ASB3: variants seen among roughly 807,000 people sequenced by gnomAD.
ASB3 encodes the protein ankyrin repeat and SOCS box protein 3.
Under a neutral mutation model 54.5 loss-of-function variants are expected in ASB3, and 41 were observed. That is an observed-to-expected ratio of 0.75 (90% confidence interval 0.59 to 0.98). The LOEUF (loss-of-function observed/expected upper bound fraction) is 0.98, where lower values mean the gene tolerates loss of function less well. Among genes scored for constraint, ASB3 ranks in the 50% least tolerant of loss-of-function variants. The pLI is 0.00. For missense variants in ASB3, 733 were observed against 620.0 expected, an observed-to-expected ratio of 1.18 and a Z score of -1.94; for synonymous variants, 266 against 221.2, an observed-to-expected ratio of 1.20 and a Z score of -1.80.
At chr2:53,678,510 T>C (rs922635970) in intron 9 of ASB3, among the ~76,000 whole-genome samples, 4 of 152,202 alleles carry the variant, frequency 2.6e-5, no homozygotes, top group African/African-American at 7.2e-5. Flanking sequence ...AGTGGTTAAA[T>C]TAAAACTACA....
In ASB3 at chr2:53,729,554, C is replaced by G; in HGVS notation, c.372G>C (p.Gln124His). 2 of 1,613,798 alleles carry G rather than the reference C, an allele frequency of 1.2e-6. No individual in the cohort carries two copies. The highest frequency in any genetic ancestry group is 2.2e-5 in the East Asian group (1 of 44,856). ...TPLFLAVENG[Q>H]IDVLRLLLQH... ...GAAGCAACAGCCTTAACACATCTAT[C>G]TGTCCATTTTCAACAGCTGTAATAC... The change falls in exon 4 of 10, where the codon CAG becomes CAC. Residue 124 changes from glutamine to histidine, a missense_variant. Physicochemically the swap from Gln to His is conservative, Grantham distance 24. Coordinates refer to ENST00000263634, the MANE Select transcript of ASB3 (RefSeq NM_016115.5).
chr2:53,712,333 GTA>G (rs1393638623), intron 7 of ASB3, among the ~76,000 whole-genome samples: 1 of 152,066 alleles, frequency 6.6e-6, no homozygotes, highest in East Asian at 1.9e-4. Flanking sequence ...AGGATCGTGT[GTA>G]TGTTTCAGCT....
Position 53,728,701 on chromosome 2 carries a change from G to A in ASB3, c.604+11C>T, listed in dbSNP as rs760863340. The A allele has an allele frequency of 6.3e-7, 1 of 1,586,904 alleles. No homozygotes were observed. Among genetic ancestry groups the A allele is most frequent in the Non-Finnish European group, 8.6e-7 (1 of 1,166,596 alleles). ...GATCTTAACAGTACAAAGGCTAATGGATAATCTTACCCGATGAAATAAGTA... is the reference window on the plus strand; with the variant it reads ...GATCTTAACAGTACAAAGGCTAATGAATAATCTTACCCGATGAAATAAGTA... On this transcript the variant is annotated intron_variant, in intron 5 of 9. Coordinates refer to ENST00000263634, the MANE Select transcript of ASB3 (RefSeq NM_016115.5).
intron 1 of ASB3, chr2:53,768,183 GC>G: frequency 1.2e-6 from 1 of 819,044 alleles, no homozygotes. Flanking sequence ...CCACCTGCCC[GC>G]CATCTCTAAC....
chr2:53,762,388 TA>T (rs1195499794), intron 2 of ASB3, among the ~76,000 whole-genome samples: 3 of 152,134 alleles, frequency 2.0e-5, no homozygotes, highest in Admixed American at 6.5e-5. Context: ...GTCACACCAA[TA>T]AAATGGTAGA....
intron 5 of ASB3, among the ~76,000 whole-genome samples, chr2:53,717,986 A>G (rs1248170255): frequency 6.6e-6 from 1 of 152,198 alleles, no homozygotes; most frequent in Non-Finnish European, 1.5e-5. Flanking sequence ...CAGTCAGATA[A>G]AAATAAAAAT....
intron 9 of ASB3, among the ~76,000 whole-genome samples, chr2:53,693,577 T>G (rs1669028666): frequency 6.6e-6 from 1 of 152,068 alleles, no homozygotes; most frequent in African/African-American, 2.4e-5. Flanking sequence ...TAAGCAGATT[T>G]TTAGGACCTA....
intron 3 of ASB3, among the ~76,000 whole-genome samples, chr2:53,743,893 A>C (rs1672074447): frequency 6.6e-6 from 1 of 152,032 alleles, no homozygotes; most frequent in South Asian, 2.1e-4. Flanking sequence ...ATGTACAAAA[A>C]TTAGCCTGGC....
intron 2 of ASB3, among the ~76,000 whole-genome samples, chr2:53,759,906 G>T (rs113389291): frequency 6.6e-6 from 1 of 152,044 alleles, no homozygotes; most frequent in African/African-American, 2.4e-5. Flanking sequence ...AGAGCCCCGG[G>T]TATGCTTGAT....
intron 1 of ASB3, among the ~76,000 whole-genome samples, chr2:53,783,973 T>C (rs1344384283): frequency 6.6e-6 from 1 of 152,188 alleles, no homozygotes; most frequent in African/African-American, 2.4e-5. Flanking sequence ...AACTGACTTG[T>C]AAAGCAACTA....
At position 53,686,515 on chromosome 2, in the gene ASB3, T is replaced by C. The variant is rs532137807; in HGVS notation, c.1369+7369A>G. ...AATCTTGTTCAGTTCCCTAAGAAGCTAGATGATATTTAACACTAGCTTTTT... is the reference window on the plus strand; with the variant it reads ...AATCTTGTTCAGTTCCCTAAGAAGCCAGATGATATTTAACACTAGCTTTTT... On this transcript the variant is annotated intron_variant, in intron 9 of 9. Transcript: ENST00000263634. Among the ~76,000 whole-genome samples the C allele has an allele frequency of 3.9e-5, 6 of 152,298 alleles. No individual in the cohort carries two copies. The South Asian group carries it at 1.0e-3, about 26-fold the overall frequency.
intron 4 of ASB3, 113 bp downstream of exon 4, chr2:53,729,345 C>G: frequency 9.9e-7 from 1 of 1,011,120 alleles, no homozygotes; most frequent in Non-Finnish European, 1.5e-6. Flanking sequence ...CTGTACTGCA[C>G]TAACCATCAT....
chr2:53,671,514 C>G lies in ASB3; in HGVS notation c.1370-824G>C, dbSNP rs138138743. Among the ~76,000 whole-genome samples, 1,101 of 152,222 alleles carry G rather than the reference C, an allele frequency of 7.2e-3. 12 individuals carry two copies. Among genetic ancestry groups the G allele is most frequent in the African/African-American group, 0.024 (1,017 of 41,514 alleles). Reference sequence around the variant, plus strand: ...GTGGCTCATGCCTGTAATCCCAGTACTTTGGGAGGCTGAGGCGGGCAGATC... The same window carrying G: ...GTGGCTCATGCCTGTAATCCCAGTAGTTTGGGAGGCTGAGGCGGGCAGATC... On this transcript the variant is annotated intron_variant, in intron 9 of 9. Coordinates refer to ENST00000263634, the MANE Select transcript of ASB3 (RefSeq NM_016115.5).
chr2:53,758,005 A>G (rs1438397800), intron 2 of ASB3, among the ~76,000 whole-genome samples: 10 of 152,222 alleles, frequency 6.6e-5, no homozygotes, highest in Non-Finnish European at 1.5e-5. Context: ...CAAGGAGAGA[A>G]GAGACAGAGA....
chr2:53,759,236 A>G (rs539544620), intron 2 of ASB3, among the ~76,000 whole-genome samples: 1 of 152,332 alleles, frequency 6.6e-6, no homozygotes, highest in South Asian at 2.1e-4. Flanking sequence ...GGTGCCGCAG[A>G]CATTTGCTAA....
intron 3 of ASB3, among the ~76,000 whole-genome samples, chr2:53,741,628 G>C (rs1028328606): frequency 3.3e-5 from 5 of 152,072 alleles, no homozygotes; most frequent in African/African-American, 1.2e-4. Flanking sequence ...TTTTATCTAG[G>C]TCTATTCACT....
intron 5 of ASB3, among the ~76,000 whole-genome samples, chr2:53,723,260 T>C (rs1328561758): frequency 1.3e-5 from 2 of 152,234 alleles, no homozygotes; most frequent in Admixed American, 6.5e-5. Context: ...AAAATACCCA[T>C]ACTGCCCAAA....
At chr2:53,772,326 C>T (rs1436777867) in intron 1 of ASB3, among the ~76,000 whole-genome samples, 1 of 152,108 alleles carries the variant, frequency 6.6e-6, no homozygotes, top group East Asian at 1.9e-4. Context: ...AGGCGCCCGC[C>T]ACCATGTCTG....
At chr2:53,715,210 A>G (rs1670318139) in intron 6 of ASB3, among the ~76,000 whole-genome samples, 1 of 152,190 alleles carries the variant, frequency 6.6e-6, no homozygotes, top group South Asian at 2.1e-4. Context: ...AATTAAAACA[A>G]AAGTTCTTAG....
Sources: allele counts gnomAD v4.1 joint callset (sites outside exome capture counted in the v4.1 genomes callset), GRCh38; gene constraint gnomAD v4.1.1; transcripts MANE v1.5; gene names NCBI Gene and HGNC (gene_info 2026-07-23, HGNC 2026-07-21).